Variants in PTPRK observed in about 807,000 individuals in gnomAD.
PTPRK encodes protein tyrosine phosphatase receptor type K, also known as receptor-type tyrosine-protein phosphatase kappa.
A neutral mutation model predicts 178.0 loss-of-function variants in PTPRK; 75 were observed. The ratio of observed to expected loss-of-function variants is 0.42; its 90% confidence interval spans 0.35 to 0.51. The LOEUF (loss-of-function observed/expected upper bound fraction) is 0.51, where lower values mean the gene tolerates loss of function less well. Ranked by LOEUF, PTPRK falls within the 20% of genes least tolerant of loss-of-function variation. The pLI is 0.02. For missense variants in PTPRK, 1,441 were observed against 1,797.8 expected, an observed-to-expected ratio of 0.80 and a Z score of 3.59; for synonymous variants, 637 against 620.6, an observed-to-expected ratio of 1.03 and a Z score of -0.39.
At position 128,083,887 on chromosome 6, in the gene PTPRK, A is replaced by C. The variant is rs982918897; in HGVS notation, c.1466-63T>G. On this transcript the variant is annotated intron_variant, in intron 8 of 29. Transcript: ENST00000368226. ...ACATTAGAAACAGAAAAAGTAAATC[A>C]GATAAGCTAGATAAACAGGATTAAA... 5 of 775,128 alleles carry C rather than the reference A, an allele frequency of 6.5e-6. No homozygotes were observed. The African/African-American group carries it at 7.2e-5, about 11-fold the overall frequency. The allele number at this position is 775,128 out of a possible 1,614,324, so 48.0% of individuals were successfully genotyped here.
At chr6:128,481,125 G>GA (rs1852014087) in intron 1 of PTPRK, among the ~76,000 whole-genome samples, 1 of 150,580 alleles carries the variant, frequency 6.6e-6, no homozygotes, top group South Asian at 2.1e-4. Context: ...TAAATTCAGA[G>GA]AGAGAGAGGA....
chr6:128,357,010 G>A (rs896690146), intron 2 of PTPRK, among the ~76,000 whole-genome samples: 2 of 152,272 alleles, frequency 1.3e-5, no homozygotes, highest in Non-Finnish European at 2.9e-5. Context: ...ACTCCATGGT[G>A]GAGCTGGGGT....
At chr6:128,179,952 G>T (rs1371829246) in intron 7 of PTPRK, among the ~76,000 whole-genome samples, 1 of 151,926 alleles carries the variant, frequency 6.6e-6, no homozygotes, top group Non-Finnish European at 1.5e-5. Flanking sequence ...CTGCTTCATA[G>T]ATCTAACTGT....
Position 127,976,931 on chromosome 6 carries a change from A to G in PTPRK, c.3835T>C (p.Leu1279=), listed in dbSNP as rs748678226. ...TSIVMLNEVD[L]SQGCPQYWPE... The stretch of plus-strand genomic sequence containing the variant: ...AATCCATAGCCATTAACCTGGGACA[A>G]GTCGACTTCGTTTAACATCACAATG... The change falls in exon 26 of 30, where the codon TTG becomes CTG. Residue 1279 remains leucine, a synonymous_variant. Coordinates refer to ENST00000368226, the MANE Select transcript of PTPRK (RefSeq NM_002844.4). 14 of 1,613,976 alleles carry G rather than the reference A, an allele frequency of 8.7e-6. No individual in the cohort carries two copies. The highest frequency in any genetic ancestry group is 1.7e-6 in the Non-Finnish European group (2 of 1,180,004).
At chr6:128,314,371 A>T (rs1342499348) in intron 3 of PTPRK, among the ~76,000 whole-genome samples, 1 of 152,210 alleles carries the variant, frequency 6.6e-6, no homozygotes, top group Non-Finnish European at 1.5e-5. Flanking sequence ...GGTGCCTGGC[A>T]TGGATTAGGT....
At chr6:128,365,180 T>A (rs373498506) in intron 2 of PTPRK, among the ~76,000 whole-genome samples, 1 of 152,042 alleles carries the variant, frequency 6.6e-6, no homozygotes, top group East Asian at 1.9e-4. Context: ...CAACACAAAG[T>A]AGATGTGAAT....
At chr6:127,973,871 T>G in intron 27 of PTPRK, 44 bp from the exon 28 acceptor site, 2 of 1,569,274 alleles carry the variant, frequency 1.3e-6, no homozygotes, top group Non-Finnish European at 8.7e-7. Flanking sequence ...GGGACTACAA[T>G]TTTTACTAAA....
At chr6:128,171,681 C>T (rs1205053291) in intron 7 of PTPRK, among the ~76,000 whole-genome samples, 1 of 151,900 alleles carries the variant, frequency 6.6e-6, no homozygotes, top group African/African-American at 2.4e-5. Flanking sequence ...ACATTGATTT[C>T]TCTATTATTT....
intron 3 of PTPRK, among the ~76,000 whole-genome samples, chr6:128,300,032 A>C (rs1825289473): frequency 6.6e-6 from 1 of 152,184 alleles, no homozygotes. Context: ...ACAAGAAAAA[A>C]ACAAACAACC....
At chr6:128,347,500 T>G (rs186953123) in intron 2 of PTPRK, among the ~76,000 whole-genome samples, 207 of 152,260 alleles carry the variant, frequency 1.4e-3, no homozygotes, top group Non-Finnish European at 2.5e-3. Flanking sequence ...ATGTTGATTT[T>G]TTTTCATTTG....
At chr6:128,174,440 A>T (rs1184103246) in intron 7 of PTPRK, among the ~76,000 whole-genome samples, 1 of 151,314 alleles carries the variant, frequency 6.6e-6, no homozygotes, top group African/African-American at 2.4e-5. Context: ...CAACATACAG[A>T]TAAAATAAAC....
chr6:128,187,385 G>GA (rs998834110), intron 6 of PTPRK, among the ~76,000 whole-genome samples: 2 of 152,082 alleles, frequency 1.3e-5, no homozygotes, highest in African/African-American at 4.8e-5. Context: ...AACCTAATAT[G>GA]AAAAAAATGC....
At chr6:128,226,547 G>C (rs1811323809) in intron 5 of PTPRK, among the ~76,000 whole-genome samples, 1 of 151,758 alleles carries the variant, frequency 6.6e-6, no homozygotes, top group South Asian at 2.1e-4. Context: ...TTAAGACCAG[G>C]GGTGAGGCTT....
At chr6:128,047,720 A>C (rs1007706433) in intron 13 of PTPRK, among the ~76,000 whole-genome samples, 12 of 152,202 alleles carry the variant, frequency 7.9e-5, no homozygotes, top group African/African-American at 2.7e-4. Context: ...TACACTACAT[A>C]TTGGAAACTA....
At chr6:127,979,211 G>C (rs1774973000) in intron 25 of PTPRK, among the ~76,000 whole-genome samples, 1 of 152,170 alleles carries the variant, frequency 6.6e-6, no homozygotes, top group Non-Finnish European at 1.5e-5. Flanking sequence ...AGGAGATTGA[G>C]GCTGCAGTCA....
intron 4 of PTPRK, chr6:128,241,090 T>G: frequency 2.6e-6 from 1 of 383,512 alleles, no homozygotes; most frequent in East Asian, 7.0e-5. Flanking sequence ...AAACTACAGA[T>G]TGAAAGAACT....
intron 13 of PTPRK, among the ~76,000 whole-genome samples, chr6:128,014,222 C>T (rs551958338): frequency 2.6e-4 from 39 of 151,738 alleles, no homozygotes; most frequent in African/African-American, 8.9e-4. Context: ...ACAAACATTT[C>T]TGAGTTGTCT....
chr6:128,094,406 C>G (rs1787558828), intron 7 of PTPRK, among the ~76,000 whole-genome samples: 1 of 152,030 alleles, frequency 6.6e-6, no homozygotes, highest in Admixed American at 6.6e-5. Flanking sequence ...ATAGGGGCTA[C>G]TGATGTGGAA....
At chr6:128,203,423 G>A (rs562952529) in intron 6 of PTPRK, among the ~76,000 whole-genome samples, 1 of 152,126 alleles carries the variant, frequency 6.6e-6, no homozygotes, top group Non-Finnish European at 1.5e-5. Flanking sequence ...GAAAGTTCTG[G>A]CCAGGGCAAT....
Sources: allele counts gnomAD v4.1 joint callset (sites outside exome capture counted in the v4.1 genomes callset), GRCh38; gene constraint gnomAD v4.1.1; transcripts MANE v1.5; gene names NCBI Gene and HGNC (gene_info 2026-07-23, HGNC 2026-07-21).